Variants in ELF1 observed in about 807,000 individuals in gnomAD.
ELF1 encodes ETS-related transcription factor Elf-1.
A neutral mutation model predicts 59.9 loss-of-function variants in ELF1; 24 were observed. The observed-to-expected ratio is 0.40, with a 90% CI of 0.29 to 0.56. ELF1 has a LOEUF of 0.56. Among genes scored for constraint, ELF1 ranks in the 20% least tolerant of loss-of-function variants. The pLI, the probability that ELF1 is intolerant of heterozygous loss-of-function variation, is 0.44. For synonymous variants in ELF1, 248 were observed against 266.2 expected, an observed-to-expected ratio of 0.93 and a Z score of 0.67; for missense variants, 627 against 742.2, an observed-to-expected ratio of 0.84 and a Z score of 1.80.
intron 2 of ELF1, among the ~76,000 whole-genome samples, chr13:40,979,297 T>G (rs1468237494): frequency 6.6e-6 from 1 of 152,112 alleles, no homozygotes; most frequent in Non-Finnish European, 1.5e-5. Context: ...CTAAAAGCTT[T>G]AGAAACATCA....
chr13:41,034,242 T>C (rs1461340612), intron 1 of ELF1, among the ~76,000 whole-genome samples: 1 of 152,080 alleles, frequency 6.6e-6, no homozygotes, highest in African/African-American at 2.4e-5. Flanking sequence ...AAGTGCAGTG[T>C]GGTATATCTT....
At chr13:40,992,662 A>G (rs1873919859) in intron 1 of ELF1, 1 of 172,412 alleles carries the variant, frequency 5.8e-6, no homozygotes, top group African/African-American at 2.4e-5. Context: ...TATCATAGGA[A>G]TAAAATCAAT....
intron 1 of ELF1, among the ~76,000 whole-genome samples, chr13:41,018,082 T>C (rs147173702): frequency 6.6e-6 from 1 of 152,222 alleles, no homozygotes; most frequent in South Asian, 2.1e-4. Context: ...AGTAAGTGCA[T>C]AGCAAATTCT....
In ELF1 at chr13:40,999,444, A is replaced by G. The variant is rs371631862; in HGVS notation, c.-228-17162T>C. Reference sequence around the variant, plus strand: ...AGAATGCAGAGACTCAAAAATGACCAAAGTTTAGAGATAGTTAACAGCCTG... The same window carrying G: ...AGAATGCAGAGACTCAAAAATGACCGAAGTTTAGAGATAGTTAACAGCCTG... On this transcript the variant is annotated intron_variant, in intron 1 of 8. Transcript: ENST00000239882. 3.9e-5 allele frequency among the ~76,000 whole-genome samples: 6 copies of G among 152,364 alleles called. No individual in the cohort carries two copies. The East Asian group carries it at 1.2e-3, about 29-fold the overall frequency.
At chr13:40,979,696 A>G (rs1410715468) in intron 2 of ELF1, among the ~76,000 whole-genome samples, 2 of 152,262 alleles carry the variant, frequency 1.3e-5, no homozygotes, top group Non-Finnish European at 2.9e-5. Flanking sequence ...AAAAAGATTT[A>G]GCATAACTTC....
chr13:40,983,354 T>C (rs939316653), intron 1 of ELF1, among the ~76,000 whole-genome samples: 1 of 152,228 alleles, frequency 6.6e-6, no homozygotes, highest in Non-Finnish European at 1.5e-5. Flanking sequence ...GAAGCTGATC[T>C]AGTGAATCAG....
chr13:40,952,218 TCTAA>T (rs559473422), intron 3 of ELF1, among the ~76,000 whole-genome samples: 78 of 152,280 alleles, frequency 5.1e-4, no homozygotes, highest in Non-Finnish European at 6.9e-4. Flanking sequence ...CTATACCCCC[TCTAA>T]CTGAGTAGTC....
chr13:40,964,669 C>T (rs75393230), intron 2 of ELF1, among the ~76,000 whole-genome samples: 28 of 152,168 alleles, frequency 1.8e-4, no homozygotes, highest in African/African-American at 6.0e-4. Flanking sequence ...CAAGTAGCTG[C>T]GACTACAGGC....
intron 2 of ELF1, among the ~76,000 whole-genome samples, chr13:40,970,965 T>C (rs1283043821): frequency 1.3e-5 from 2 of 152,170 alleles, no homozygotes; most frequent in East Asian, 3.9e-4. Context: ...AAGGACGTCA[T>C]ATGGCTTTAT....
At position 40,949,890 on chromosome 13, in the gene ELF1, C is replaced by G; in HGVS notation, c.445G>C (p.Glu149Gln). The change falls in exon 5 of 9, where the codon GAA becomes CAA. Residue 149 changes from glutamate to glutamine, a missense_variant. Physicochemically the swap from Glu to Gln is conservative, Grantham distance 29 (BLOSUM62 2). This residue lies in a region of ELF1 where 232 missense variants were observed against 269.2 expected (regional missense o/e 0.86). Transcript: ENST00000239882. Reference protein sequence around the residue: ...HVSVTLDGIPEVMETQQVQEK... With the variant: ...HVSVTLDGIPQVMETQQVQEK... ...TGCACCTGCTGTGTTTCCATCACTT[C>G]AGGAATCCCATCTAATGTGACGGAC... 2.5e-6 allele frequency: 4 copies of G among 1,614,112 alleles called. 1 individual carries two copies.
upstream of ELF1, among the ~76,000 whole-genome samples, chr13:41,020,105 T>C (rs1242193852): frequency 6.6e-6 from 1 of 152,210 alleles, no homozygotes; most frequent in African/African-American, 2.4e-5. Context: ...TCAAGCCTCT[T>C]GTGCCAGGCA....
Position 40,964,598 on chromosome 13 carries a change from A to G in ELF1, c.73-5582T>C, listed in dbSNP as rs143396066. Among the ~76,000 whole-genome samples the G allele has an allele frequency of 7.0e-3, 1,063 of 152,078 alleles. 18 individuals are homozygous for G. The highest frequency in any genetic ancestry group is 0.025 in the African/African-American group (1,021 of 41,452). ...CACCTAGGCTGGAGTGCAGTGGTGCAATCTCAGCTCACCATAACCTCTGCC... is the reference window on the plus strand; with the variant it reads ...CACCTAGGCTGGAGTGCAGTGGTGCGATCTCAGCTCACCATAACCTCTGCC... On this transcript the variant is annotated intron_variant, in intron 2 of 8. Transcript: ENST00000239882.
intron 2 of ELF1, among the ~76,000 whole-genome samples, chr13:40,977,315 G>A (rs1467781161): frequency 6.6e-6 from 1 of 152,028 alleles, no homozygotes; most frequent in African/African-American, 2.4e-5. Context: ...TACTGATGGG[G>A]TTGCTCTCCC....
chr13:40,932,043 GATTT>G lies in ELF1; in HGVS notation c.*1378_*1381del, dbSNP rs1423047927. Reference sequence around the variant, plus strand: ...AAACAGACACTGAGAATTTTTATATGATTTATTTAATAATAAACCAATTAAAGAT... The same window carrying G: ...AAACAGACACTGAGAATTTTTATATGATTTAATAATAAACCAATTAAAGAT... On this transcript the variant is annotated 3_prime_UTR_variant, in exon 9 of 9. Coordinates refer to ENST00000239882, the MANE Select transcript of ELF1 (RefSeq NM_172373.4). The G allele has an allele frequency of 1.3e-5, 2 of 152,102 alleles. No homozygotes were observed. The highest frequency in any genetic ancestry group is 2.4e-5 in the African/African-American group (1 of 41,480). The allele number at this position is 152,102 out of a possible 1,614,324, so 9.4% of individuals were successfully genotyped here.
rs1464607914 is a variant in ELF1 at position 40,955,263 on chromosome 13, T to C, written c.253+3573A>G. On this transcript the variant is annotated intron_variant, in intron 3 of 8. Coordinates refer to ENST00000239882, the MANE Select transcript of ELF1 (RefSeq NM_172373.4). Reference sequence around the variant, plus strand: ...GCATCTCCGCCTGGCAGCCACCCCGTCTGGGAGGGAGGTGGGGGTCAGCCC... The same window carrying C: ...GCATCTCCGCCTGGCAGCCACCCCGCCTGGGAGGGAGGTGGGGGTCAGCCC... Among the ~76,000 whole-genome samples the C allele has an allele frequency of 4.0e-4, 41 of 102,420 alleles. 1 individual carries two copies. In the East Asian group the frequency reaches 7.9e-3, roughly 20 times the overall value. The allele number at this position is 102,420 out of a possible 152,430, so 67.2% of individuals were successfully genotyped here.
chr13:41,036,278 A>G (rs2138414200), intron 1 of ELF1, among the ~76,000 whole-genome samples: 1 of 152,306 alleles, frequency 6.6e-6, no homozygotes, highest in Middle Eastern at 3.4e-3. Flanking sequence ...GAATGTTCAA[A>G]TAAGATTTTA....
rs767886505 is a variant in ELF1 at position 40,958,861 on chromosome 13, A to G, written c.228T>C (p.Asp76=). The change falls in exon 3 of 9, where the codon GAT becomes GAC. Residue 76 remains aspartate (D), a synonymous_variant. Transcript: ENST00000239882. ...CTGTAAGGGTGATGTCATCATCATC[A>G]TCGTCTATGATTTCTTCTTCAGCAA... ...LDVAEEEIID[D]DDDDITLTVE... is the part of the protein sequence containing the mutation. 6.2e-6 allele frequency: 10 copies of G among 1,612,320 alleles called. No homozygotes were observed. Among genetic ancestry groups the G allele is most frequent in the Non-Finnish European group, 8.5e-6 (10 of 1,179,182 alleles).
At chr13:40,973,361 C>T (rs1033617633) in intron 2 of ELF1, among the ~76,000 whole-genome samples, 1 of 152,106 alleles carries the variant, frequency 6.6e-6, no homozygotes, top group African/African-American at 2.4e-5. Flanking sequence ...AAGAATTGCT[C>T]TAATATTGAG....
At chr13:41,009,500 G>A (rs539674307) in intron 1 of ELF1, among the ~76,000 whole-genome samples, 1 of 152,116 alleles carries the variant, frequency 6.6e-6, no homozygotes, top group Non-Finnish European at 1.5e-5. Context: ...CAGAATACCT[G>A]CATGGACATT....
Sources: allele counts gnomAD v4.1 joint callset (sites outside exome capture counted in the v4.1 genomes callset), GRCh38; gene constraint gnomAD v4.1.1; regional missense constraint gnomAD v4.1.1; transcripts MANE v1.5; gene names NCBI Gene and HGNC (gene_info 2026-07-23, HGNC 2026-07-21).